RIF1: variants seen among roughly 807,000 people sequenced by gnomAD.
RIF1 encodes telomere-associated protein RIF1.
A neutral mutation model predicts 247.1 loss-of-function variants in RIF1; 45 were observed. The ratio of observed to expected loss-of-function variants is 0.18; its 90% CI spans 0.14 to 0.23. The LOEUF (loss-of-function observed/expected upper bound fraction) is 0.23. RIF1 is among the 10% of genes least tolerant of loss of function. RIF1 has a pLI of 1.00. For missense variants in RIF1, 2,967 were observed against 2,862.5 expected, an observed-to-expected ratio of 1.04 and a Z score of -0.83; for synonymous variants, 1,087 against 978.8, an observed-to-expected ratio of 1.11 and a Z score of -2.06.
At chr2:151,491,037 C>CT (rs35824119) in intron 9 of RIF1, among the ~76,000 whole-genome samples, 76 of 138,072 alleles carry the variant, frequency 5.5e-4, no homozygotes, top group South Asian at 3.7e-3. Flanking sequence ...ACATAATATC[C>CT]TTTTTTTTTT....
intron 10 of RIF1, among the ~76,000 whole-genome samples, chr2:151,496,089 G>T (rs1559191265): frequency 6.6e-6 from 1 of 152,172 alleles, no homozygotes; most frequent in Non-Finnish European, 1.5e-5. Context: ...GAACTTTATG[G>T]ATTAAAGCAA....
chr2:151,524,485 G>A, the RIF1 span: 11 of 1,613,024 alleles, frequency 6.8e-6, no homozygotes, highest in South Asian at 1.1e-4. Context: ...TGGCTGTTGG[G>A]GACTGGGGAC....
the RIF1 span, among the ~76,000 whole-genome samples, chr2:151,530,440 T>A: frequency 6.6e-6 from 1 of 152,296 alleles, no homozygotes; most frequent in African/African-American, 2.4e-5. Context: ...TAGGTTTTAA[T>A]GTGACTAAGG....
At chr2:151,508,013 A>T in exon 14 of RIF1, 2 of 1,606,042 alleles carry the variant, frequency 1.2e-6, no homozygotes, top group East Asian at 2.2e-5. Context: ...ACAAGGCTGA[A>T]GTTCTTTTGG....
intron 10 of RIF1, chr2:151,498,027 T>C (rs978793774): frequency 6.9e-7 from 1 of 1,441,766 alleles, no homozygotes; most frequent in South Asian, 1.5e-5. Context: ...GGTGTTGTTA[T>C]CCACACAAAT....
chr2:151,456,659 A>G (rs1422430759), intron 23 of RIF1, 39 bp downstream of exon 23: 2 of 1,148,248 alleles, frequency 1.7e-6, no homozygotes, highest in East Asian at 4.8e-5. Context: ...TACTTTCATG[A>G]TGAGAAAATG....
chr2:151,514,964 A>G, the RIF1 span: 2 of 1,371,576 alleles, frequency 1.5e-6, no homozygotes, highest in Non-Finnish European at 2.0e-6. Context: ...AGTTAAAAAA[A>G]AATCTTTATT....
chr2:151,472,775 GTATTT>G (rs1198972647), intron 34 of RIF1, among the ~76,000 whole-genome samples: 2 of 152,266 alleles, frequency 1.3e-5, no homozygotes, highest in East Asian at 3.9e-4. Flanking sequence ...CGTTTTGCCA[GTATTT>G]TATTGAGGAT....
chr2:151,508,968 T>A (rs1423792094), downstream of RIF1, among the ~76,000 whole-genome samples: 1 of 152,248 alleles, frequency 6.6e-6, no homozygotes, highest in East Asian at 1.9e-4. Context: ...TCCTTTCACT[T>A]TTCTCTCTAG....
At chr2:151,525,651 G>T in the RIF1 span, among the ~76,000 whole-genome samples, 2 of 152,162 alleles carry the variant, frequency 1.3e-5, no homozygotes, top group African/African-American at 2.4e-5. Context: ...AAATTGGGTA[G>T]CAGTTTAATA....
chr2:151,516,871 C>A, the RIF1 span, among the ~76,000 whole-genome samples: 2 of 152,158 alleles, frequency 1.3e-5, no homozygotes, highest in Non-Finnish European at 2.9e-5. Context: ...GAAAATTACC[C>A]AGGTAGATGA....
the RIF1 span, chr2:151,519,148 C>T: frequency 1.1e-6 from 1 of 923,914 alleles, no homozygotes; most frequent in Non-Finnish European, 1.8e-6. Flanking sequence ...GTGAGATAGC[C>T]CATCGTCAAA....
At chr2:151,411,705 T>C (rs1046395954) in intron 3 of RIF1, among the ~76,000 whole-genome samples, 4 of 152,164 alleles carry the variant, frequency 2.6e-5, no homozygotes, top group Non-Finnish European at 4.4e-5. Flanking sequence ...CCAGCCACTT[T>C]TGGTGGTTTT....
At chr2:151,501,436 AGTGACAG>A in intron 11 of RIF1, 1 of 1,547,454 alleles carries the variant, frequency 6.5e-7, no homozygotes. Flanking sequence ...CCATCTCAGG[AGTGACAG>A]GTAGGGGAGT....
In RIF1 at chr2:151,505,037, C is replaced by G. The variant is rs555564051; in HGVS notation, c.*862-1173C>G. Among the ~76,000 whole-genome samples the G allele has an allele frequency of 1.4e-3, 217 of 152,238 alleles. 1 individual carries two copies. The highest frequency in any genetic ancestry group is 5.0e-3 in the African/African-American group (207 of 41,536). On this transcript the variant is annotated intron_variant and NMD_transcript_variant, in intron 12 of 13. Coordinates refer to the RIF1 transcript ENST00000454583. ...TTTGGACACTGGGAATCCTATCATT[C>G]ATATGATGTGTCATACATACACACA... is the stretch of plus-strand genomic sequence containing the variant.
chr2:151,454,268 G>A (rs567365722), intron 21 of RIF1, among the ~76,000 whole-genome samples: 10 of 152,276 alleles, frequency 6.6e-5, no homozygotes, highest in Non-Finnish European at 1.5e-4. Flanking sequence ...TTGGGCAAGG[G>A]CTATGTGGGT....
chr2:151,488,297 A>G (rs16830094), intron 9 of RIF1, among the ~76,000 whole-genome samples: 1 of 152,066 alleles, frequency 6.6e-6, no homozygotes, highest in African/African-American at 2.4e-5. Context: ...AATTGGCCAG[A>G]CTTTTATACT....
chr2:151,432,981 G>A, intron 9 of RIF1, 96 bp from the exon 10 acceptor site: 9 of 919,806 alleles, frequency 9.8e-6, no homozygotes, highest in Admixed American at 5.6e-5. Context: ...TTTAAAATAC[G>A]TTCTCTTGCT....
At chr2:151,501,737 C>T (rs1301242860) in intron 11 of RIF1, among the ~76,000 whole-genome samples, 1 of 152,028 alleles carries the variant, frequency 6.6e-6, no homozygotes, top group African/African-American at 2.4e-5. Flanking sequence ...TTATGTAGGC[C>T]TTCTCTCAAA....
Sources: gnomAD v4.1 joint callset for allele counts (sites outside exome capture counted in the v4.1 genomes callset) on GRCh38, gnomAD v4.1.1 for gene constraint, MANE v1.5 for transcripts, NCBI Gene and HGNC (gene_info 2026-07-23, HGNC 2026-07-21) for gene names.